Variants in ZNF276 observed in about 807,000 individuals in gnomAD.
The protein encoded by ZNF276 is zinc finger protein 276, also known as centromere protein Z.
Under a neutral mutation model 63.9 loss-of-function variants are expected in ZNF276, and 59 were observed. That is an observed-to-expected ratio of 0.92 (90% CI 0.75 to 1.15). The LOEUF (loss-of-function observed/expected upper bound fraction) is 1.15. Ranked by LOEUF, ZNF276 falls within the 50% of genes most tolerant of loss-of-function variation. The pLI is 0.00. For synonymous variants in ZNF276, 496 were observed against 348.4 expected, an observed-to-expected ratio of 1.42 and a Z score of -4.72; for missense variants, 1,084 against 843.8, an observed-to-expected ratio of 1.28 and a Z score of -3.53.
intron 6 of ZNF276, chr16:89,732,028 TC>T (rs2151687960): frequency 6.6e-6 from 1 of 152,404 alleles, no homozygotes; most frequent in East Asian, 1.9e-4. Flanking sequence ...GAGCTTTCAG[TC>T]CTTCACAGTT....
intron 4 of ZNF276, among the ~76,000 whole-genome samples, chr16:89,725,734 T>A (rs908160271): frequency 1.3e-5 from 2 of 152,044 alleles, no homozygotes; most frequent in African/African-American, 4.8e-5. Flanking sequence ...GAGATTGCAG[T>A]GAGCTGAGAT....
Position 89,740,394 on chromosome 16 carries a change from C to A in ZNF276, c.*2148C>A. The A allele has an allele frequency of 2.0e-6, 1 of 489,898 alleles. No individual in the cohort carries two copies. Among genetic ancestry groups the A allele is most frequent in the Non-Finnish European group, 3.7e-6 (1 of 269,948 alleles). The allele number at this position is 489,898 out of a possible 1,614,324, so 30.3% of individuals were successfully genotyped here. ...GTGGCTCATGCCTGTAATCCCAACA[C>A]TTTGGGAGGCCGAGGTCGGCGGATC... On this transcript the variant is annotated 3_prime_UTR_variant, in exon 11 of 11. Coordinates refer to ENST00000443381, the MANE Select transcript of ZNF276 (RefSeq NM_001113525.2).
Position 89,721,682 on chromosome 16 carries a change from G to A in ZNF276, c.42G>A (p.Ser14=). 1.4e-6 allele frequency: 2 copies of A among 1,429,540 alleles called. No individual in the cohort carries two copies. Among genetic ancestry groups the A allele is most frequent in the Non-Finnish European group, 1.8e-6 (2 of 1,095,348 alleles). The allele number at this position is 1,429,540 out of a possible 1,614,324, so 88.6% of individuals were successfully genotyped here. The stretch of plus-strand genomic sequence containing the variant: ...TGGGCCGCTTCCTGTCTCCTGGGTC[G>A]TCCCGACAGTGCGGGGCCTCGGACG... The part of the protein sequence containing the change: ...DRLGRFLSPG[S]SRQCGASDGG... Residue 14 remains serine, a synonymous_variant, in exon 1 of 11, where the codon TCG becomes TCA. Coordinates refer to ENST00000443381, the MANE Select transcript of ZNF276 (RefSeq NM_001113525.2).
At chr16:89,722,271 C>CA (rs1393055905) in intron 1 of ZNF276, among the ~76,000 whole-genome samples, 15 of 152,350 alleles carry the variant, frequency 9.8e-5, no homozygotes, top group Middle Eastern at 3.4e-3. Flanking sequence ...GAGGAGGGTG[C>CA]AGTTCCAGGT....
Position 89,723,584 on chromosome 16 carries a change from C to T in ZNF276, c.881C>T (p.Pro294Leu). ...TCCCAGGGTAGAGGGACAGGGACCC[C>T]AGTTGGGGCTGAGACCAAGACCCTG... ...QTSQGRGTGT[P>L]VGAETKTLPS... Residue 294 changes from proline to leucine, a missense_variant, in exon 4 of 11, where the codon CCA becomes CTA. Transcript: ENST00000443381. 3.7e-6 allele frequency: 6 copies of T among 1,612,806 alleles called. No homozygotes were observed. The highest frequency in any genetic ancestry group is 1.1e-5 in the South Asian group (1 of 91,078).
At chr16:89,724,000 G>A (rs2061391882) in intron 4 of ZNF276, among the ~76,000 whole-genome samples, 1 of 152,260 alleles carries the variant, frequency 6.6e-6, no homozygotes, top group African/African-American at 2.4e-5. Context: ...TGTGCTTGGG[G>A]CTGAGGGGAC....
chr16:89,726,223 T>TAGG (rs2061465673), intron 4 of ZNF276, among the ~76,000 whole-genome samples: 1 of 150,628 alleles, frequency 6.6e-6, no homozygotes, highest in Non-Finnish European at 1.5e-5. Flanking sequence ...GAGAAGGAGT[T>TAGG]TCACTCTTTG....
At chr16:89,721,501 C>T (rs2061270707), upstream of ZNF276, 1 of 875,584 alleles carries the variant, frequency 1.1e-6, no homozygotes, top group Non-Finnish European at 1.6e-6. Flanking sequence ...GCCCGCCCCG[C>T]CCGCCTCGCT....
chr16:89,733,180 C>G, intron 6 of ZNF276, 122 bp from the exon 7 acceptor site: 2 of 903,010 alleles, frequency 2.2e-6, no homozygotes, highest in Non-Finnish European at 3.4e-6. Context: ...TTCTGAGGGT[C>G]AGTCAGCACA....
intron 2 of ZNF276, 103 bp downstream of exon 2, chr16:89,722,937 G>C: frequency 1.3e-6 from 2 of 1,556,728 alleles, no homozygotes; most frequent in Admixed American, 3.6e-5. Flanking sequence ...CTCTGGGTGG[G>C]GGGAATGGGC....
At chr16:89,729,404 CA>C in intron 6 of ZNF276, 86 bp downstream of exon 6, 1 of 1,155,964 alleles carries the variant, frequency 8.7e-7, no homozygotes, top group Non-Finnish European at 1.3e-6. Context: ...CCCCGGTGCC[CA>C]CTCAGTTCAC....
intron 5 of ZNF276, among the ~76,000 whole-genome samples, 189 bp from the exon 6 acceptor site, chr16:89,729,046 G>T (rs966345520): frequency 6.6e-6 from 1 of 152,228 alleles, no homozygotes; most frequent in Non-Finnish European, 1.5e-5. Flanking sequence ...TTGCTGGCTT[G>T]TGAGCCTGGC....
chr16:89,735,783 T>C (rs905731779), intron 9 of ZNF276, among the ~76,000 whole-genome samples: 3 of 152,082 alleles, frequency 2.0e-5, no homozygotes, highest in Non-Finnish European at 4.4e-5. Flanking sequence ...GGCGCGATCT[T>C]GGCTCACTGT....
chr16:89,725,979 G>A (rs1014611611), intron 4 of ZNF276, among the ~76,000 whole-genome samples: 1 of 152,068 alleles, frequency 6.6e-6, no homozygotes, highest in African/African-American at 2.4e-5. Flanking sequence ...ATTTATTTAT[G>A]GAGTCTCGCT....
chr16:89,729,062 C>A (rs1401478231), intron 5 of ZNF276, among the ~76,000 whole-genome samples, 173 bp from the exon 6 acceptor site: 1 of 152,156 alleles, frequency 6.6e-6, no homozygotes, highest in Non-Finnish European at 1.5e-5. Flanking sequence ...CTGGCTGGCC[C>A]TTTGTGTTCG....
At position 89,733,383 on chromosome 16, in the gene ZNF276, C is replaced by G. The variant is rs765026468; in HGVS notation, c.1251C>G (p.Pro417=). The change falls in exon 7 of 11, where the codon CCC becomes CCG. Residue 417 remains proline (P), a synonymous_variant. Transcript: ENST00000443381. ...PRIRKKPGPK[P]GWKKKLRCER... is the part of the protein sequence containing the mutation. ...TTCGGAAGAAGCCGGGACCCAAGCC[C>G]GGATGGAAGAAGAAGCTTCGTTGTG... 1 of 1,614,114 alleles carries G rather than the reference C, an allele frequency of 6.2e-7. No homozygotes were observed. Among genetic ancestry groups the G allele is most frequent in the Admixed American group, 1.7e-5 (1 of 60,024 alleles).
chr16:89,727,042 T>C (rs1314561879), intron 4 of ZNF276, among the ~76,000 whole-genome samples: 1 of 152,228 alleles, frequency 6.6e-6, no homozygotes, highest in African/African-American at 2.4e-5. Flanking sequence ...CTGGTTCTGC[T>C]GTTCCTGAGG....
At chr16:89,730,542 C>A (rs1469197734) in intron 6 of ZNF276, among the ~76,000 whole-genome samples, 1 of 152,178 alleles carries the variant, frequency 6.6e-6, no homozygotes, top group African/African-American at 2.4e-5. Context: ...GGACAGCACA[C>A]TCAGACTGTG....
At chr16:89,735,994 C>T (rs1029657765) in intron 9 of ZNF276, among the ~76,000 whole-genome samples, 2 of 151,662 alleles carry the variant, frequency 1.3e-5, no homozygotes, top group African/African-American at 4.8e-5. Flanking sequence ...TGGGGTAAAG[C>T]CATTCTCCTG....
Sources: allele counts gnomAD v4.1 joint callset (sites outside exome capture counted in the v4.1 genomes callset), GRCh38; gene constraint gnomAD v4.1.1; transcripts MANE v1.5; gene names NCBI Gene and HGNC (gene_info 2026-07-23, HGNC 2026-07-21).